TENM2: variants seen among roughly 807,000 people sequenced by gnomAD.
The protein encoded by TENM2 is teneurin-2.
TENM2 carries 52 observed loss-of-function variants against 245.2 expected under a neutral mutation model. That is an observed-to-expected ratio of 0.21 (90% confidence interval 0.17 to 0.27). The LOEUF is 0.27. Among genes scored for constraint, TENM2 ranks in the 10% least tolerant of loss-of-function variants. The pLI is 1.00. For synonymous variants in TENM2, 1,363 were observed against 1,438.9 expected (o/e 0.95, Z 1.19); for missense variants, 3,046 against 3,666.8 (o/e 0.83, Z 4.37).
At chr5:167,344,668 A>T (rs6891605) in intron 1 of TENM2, among the ~76,000 whole-genome samples, 2,118 of 152,228 alleles carry the variant, frequency 0.014, 56 homozygotes, top group African/African-American at 0.049. Context: ...GGAACTTTGG[A>T]TCTAATAACT....
the TENM2 span, among the ~76,000 whole-genome samples, chr5:166,981,422 A>G: frequency 7.9e-5 from 12 of 152,204 alleles, no homozygotes; most frequent in Non-Finnish European, 1.3e-4. Flanking sequence ...TCTAGGTACT[A>G]AAGAAAAATG....
chr5:167,904,322 G>A (rs1775926835), intron 3 of TENM2, among the ~76,000 whole-genome samples: 1 of 152,160 alleles, frequency 6.6e-6, no homozygotes, highest in African/African-American at 2.4e-5. Context: ...GGACAATGGT[G>A]AGCAATCACC....
intron 11 of TENM2, among the ~76,000 whole-genome samples, chr5:168,125,480 G>A (rs1279781772): frequency 5.3e-5 from 8 of 152,130 alleles, no homozygotes; most frequent in Admixed American, 1.3e-4. Flanking sequence ...TAATGAAGTC[G>A]CGCTGTACAC....
intron 6 of TENM2, among the ~76,000 whole-genome samples, chr5:168,051,638 T>C (rs547015661): frequency 2.0e-4 from 31 of 152,272 alleles, no homozygotes; most frequent in Admixed American, 7.2e-4. Context: ...TAACTTTGCA[T>C]TGGAAGATGC....
Position 168,094,997 on chromosome 5 carries a change from T to A in TENM2, c.1712-3029T>A, listed in dbSNP as rs1581279565. On this transcript the variant is annotated intron_variant, in intron 8 of 28. Coordinates refer to ENST00000518659, the Ensembl canonical transcript of TENM2. ...TGAGAATCTAACGCCTGATGATCTGTCACTGTCTCCCATCACCCCTAGATG... is the reference window on the plus strand; with the variant it reads ...TGAGAATCTAACGCCTGATGATCTGACACTGTCTCCCATCACCCCTAGATG... 8.6e-5 allele frequency among the ~76,000 whole-genome samples: 13 copies of A among 151,858 alleles called. 1 individual carries two copies. The South Asian group carries it at 2.7e-3, about 32-fold the overall frequency.
intron 2 of TENM2, among the ~76,000 whole-genome samples, chr5:167,744,852 C>A (rs982073035): frequency 2.0e-5 from 3 of 149,724 alleles, no homozygotes; most frequent in Non-Finnish European, 2.9e-5. Flanking sequence ...AACAAAAAAA[C>A]CGTGATGGGT....
chr5:168,221,401 A>G (rs996995375), intron 23 of TENM2, among the ~76,000 whole-genome samples: 19 of 152,138 alleles, frequency 1.2e-4, no homozygotes, highest in African/African-American at 4.3e-4. Flanking sequence ...CCACACAGGG[A>G]GTTGGTAGTG....
the TENM2 span, among the ~76,000 whole-genome samples, chr5:167,176,660 C>T: frequency 1.3e-5 from 2 of 152,146 alleles, no homozygotes; most frequent in South Asian, 2.1e-4. Context: ...ACCATTGGTA[C>T]GTAATTACTT....
At chr5:167,903,934 A>G (rs1311694072) in intron 3 of TENM2, among the ~76,000 whole-genome samples, 2 of 152,198 alleles carry the variant, frequency 1.3e-5, no homozygotes, top group Non-Finnish European at 2.9e-5. Context: ...GTATTTAAAT[A>G]TCACTCTGGC....
At chr5:167,370,544 T>G (rs1275982578) in intron 1 of TENM2, among the ~76,000 whole-genome samples, 1 of 152,168 alleles carries the variant, frequency 6.6e-6, no homozygotes, top group Non-Finnish European at 1.5e-5. Context: ...CTAAAATTGC[T>G]TTATGTAAAT....
At chr5:168,164,796 A>AG (rs1172174955) in intron 13 of TENM2, among the ~76,000 whole-genome samples, 2 of 152,174 alleles carry the variant, frequency 1.3e-5, no homozygotes, top group East Asian at 3.9e-4. Flanking sequence ...GTTGTTTCAG[A>AG]GTGTAGGAAG....
chr5:168,004,971 G>A (rs1032602794), intron 5 of TENM2, among the ~76,000 whole-genome samples: 2 of 151,944 alleles, frequency 1.3e-5, no homozygotes, highest in Non-Finnish European at 2.9e-5. Context: ...CTCCACCCTC[G>A]CTTCTTTGGG....
chr5:167,638,339 A>T (rs1779348425), intron 2 of TENM2, among the ~76,000 whole-genome samples: 1 of 152,190 alleles, frequency 6.6e-6, no homozygotes, highest in Non-Finnish European at 1.5e-5. Context: ...TAATCACTTA[A>T]TTTATGTTAA....
At chr5:168,239,738 A>G (rs1307978139) in intron 25 of TENM2, among the ~76,000 whole-genome samples, 1 of 152,148 alleles carries the variant, frequency 6.6e-6, no homozygotes, top group Non-Finnish European at 1.5e-5. Flanking sequence ...GGTCTTTCCC[A>G]TGATTACATA....
intron 5 of TENM2, among the ~76,000 whole-genome samples, chr5:168,045,464 C>T (rs1788530839): frequency 6.6e-6 from 1 of 152,128 alleles, no homozygotes; most frequent in African/African-American, 2.4e-5. Context: ...CTTACAGTGG[C>T]AAGATTGAGT....
At chr5:168,041,856 A>G (rs1167245568) in intron 5 of TENM2, among the ~76,000 whole-genome samples, 2 of 152,224 alleles carry the variant, frequency 1.3e-5, no homozygotes, top group Non-Finnish European at 2.9e-5. Flanking sequence ...ATGAACGTTA[A>G]TTGTCACCAT....
At chr5:167,423,875 C>G (rs1763654737) in intron 2 of TENM2, among the ~76,000 whole-genome samples, 1 of 152,098 alleles carries the variant, frequency 6.6e-6, no homozygotes, top group East Asian at 1.9e-4. Context: ...TGCCTTTCTT[C>G]CCACTGGAGA....
intron 1 of TENM2, among the ~76,000 whole-genome samples, chr5:167,374,412 C>G (rs1395736803): frequency 6.6e-6 from 1 of 152,052 alleles, no homozygotes; most frequent in Non-Finnish European, 1.5e-5. Flanking sequence ...ATGCATTGCT[C>G]AGAACGTATC....
intron 2 of TENM2, among the ~76,000 whole-genome samples, chr5:167,648,760 T>A (rs1034448036): frequency 6.6e-6 from 1 of 152,218 alleles, no homozygotes; most frequent in Non-Finnish European, 1.5e-5. Context: ...ATCTCACCTT[T>A]TGATGTTGGG....
Sources: allele counts gnomAD v4.1 joint callset (sites outside exome capture counted in the v4.1 genomes callset), GRCh38; gene constraint gnomAD v4.1.1; transcripts MANE v1.5; gene names NCBI Gene and HGNC (gene_info 2026-07-23, HGNC 2026-07-21).